ITGA9: variants seen among roughly 807,000 people sequenced by gnomAD.
The protein encoded by ITGA9 is integrin subunit alpha 9.
Under a neutral mutation model 127.8 loss-of-function variants are expected in ITGA9, and 56 were observed. That is an observed-to-expected ratio of 0.44 (90% CI 0.35 to 0.55). The LOEUF is 0.55. Ranked by LOEUF, ITGA9 falls within the 20% of genes least tolerant of loss-of-function variation. The probability of loss-of-function intolerance (pLI) is 0.00; values close to 1 mark genes in which losing one functional copy is unlikely to be tolerated. For synonymous variants in ITGA9, 508 were observed against 514.5 expected, an observed-to-expected ratio of 0.99 and a Z score of 0.17; for missense variants, 1,196 against 1,347.1, an observed-to-expected ratio of 0.89 and a Z score of 1.76.
At chr3:37,494,408 T>G in intron 4 of ITGA9, 93 bp from the exon 5 acceptor site, 1 of 884,210 alleles carries the variant, frequency 1.1e-6, no homozygotes, top group Non-Finnish European at 1.9e-6. Context: ...GCGGCACTCG[T>G]GGGAAGTGGC....
chr3:37,500,038 A>G (rs1393646987), intron 5 of ITGA9, among the ~76,000 whole-genome samples: 1 of 152,196 alleles, frequency 6.6e-6, no homozygotes, highest in African/African-American at 2.4e-5. Flanking sequence ...CACTGAGGAT[A>G]CATCTGGGGC....
intron 16 of ITGA9, among the ~76,000 whole-genome samples, chr3:37,639,298 C>A (rs989418067): frequency 2.0e-5 from 3 of 152,146 alleles, no homozygotes; most frequent in Non-Finnish European, 2.9e-5. Context: ...AAAAATAAAT[C>A]ATTGCTGCCT....
At chr3:37,513,702 G>C in intron 8 of ITGA9, 61 bp from the exon 9 acceptor site, 1 of 1,607,076 alleles carries the variant, frequency 6.2e-7, no homozygotes, top group Non-Finnish European at 8.5e-7. Context: ...GGAGGAAAGC[G>C]AGGGCATCCT....
rs1697212373 is a variant in ITGA9 at position 37,799,593 on chromosome 3, G to T, written c.2890-4230G>T. Among the ~76,000 whole-genome samples the T allele has an allele frequency of 6.6e-6, 1 of 152,152 alleles. No homozygotes were observed. Among genetic ancestry groups the T allele is most frequent in the African/African-American group, 2.4e-5 (1 of 41,428 alleles). On this transcript the variant is annotated intron_variant, in intron 26 of 27. Coordinates refer to ENST00000264741, the MANE Select transcript of ITGA9 (RefSeq NM_002207.3). The surrounding 1 kb of genome is among the most constrained non-coding windows in gnomAD (Gnocchi z 4.0). ...GGCAGGAAGGAGACCAGAGTATGAAGGCCCTGGTGTCCTGAATTAGATGCT... is the reference window on the plus strand; with the variant it reads ...GGCAGGAAGGAGACCAGAGTATGAATGCCCTGGTGTCCTGAATTAGATGCT...
intron 17 of ITGA9, among the ~76,000 whole-genome samples, chr3:37,655,733 A>G (rs571947257): frequency 3.3e-5 from 5 of 152,222 alleles, no homozygotes; most frequent in South Asian, 2.1e-4. Flanking sequence ...TTTTGTTGCC[A>G]TTGCTTTTGG....
chr3:37,502,360 A>G (rs1214177734), intron 5 of ITGA9, among the ~76,000 whole-genome samples: 1 of 151,764 alleles, frequency 6.6e-6, no homozygotes. Context: ...GATTACAGGC[A>G]TGTGCCACTA....
At chr3:37,817,725 G>A (rs1419788712) in intron 27 of ITGA9, among the ~76,000 whole-genome samples, 1 of 152,224 alleles carries the variant, frequency 6.6e-6, no homozygotes, top group Non-Finnish European at 1.5e-5. Context: ...GGAAAGGTAA[G>A]CTTTGGGCTA....
At chr3:37,701,189 C>T (rs1455454967) in intron 18 of ITGA9, among the ~76,000 whole-genome samples, 1 of 152,210 alleles carries the variant, frequency 6.6e-6, no homozygotes, top group Admixed American at 6.5e-5. Flanking sequence ...CCCAAGTTTG[C>T]AGGCCCTTGA....
chr3:37,682,443 G>A lies in ITGA9; in HGVS notation c.1917-1422G>A, dbSNP rs12635404. On this transcript the variant is annotated intron_variant, in intron 17 of 27. Coordinates refer to ENST00000264741, the MANE Select transcript of ITGA9 (RefSeq NM_002207.3). The stretch of plus-strand genomic sequence containing the variant: ...TGACCATGTGGATGACTCCTCTCTC[G>A]ATTTTCCTCTTCCTTCTCTAGCCAT... Among the ~76,000 whole-genome samples the A allele has an allele frequency of 5.8e-4, 88 of 152,272 alleles. No homozygotes were observed. In the East Asian group the frequency reaches 0.014, roughly 25 times the overall value.
In ITGA9 at chr3:37,818,917, A is replaced by G; in HGVS notation, c.3036A>G (p.Lys1012=). 1 of 1,614,152 alleles carries G rather than the reference A, an allele frequency of 6.2e-7. No individual in the cohort carries two copies. Among genetic ancestry groups the G allele is most frequent in the Non-Finnish European group, 8.5e-7 (1 of 1,179,974 alleles). ...WKMGFFRRRY[K]EIIEAEKNRK... is the part of the protein sequence containing the mutation. ...TGGGCTTCTTTCGCCGAAGGTACAA[A>G]GAAATTATCGAAGCTGAGAAGAACC... Residue 1012 remains lysine (K), a synonymous_variant, in exon 28 of 28, where the codon AAA becomes AAG. Transcript: ENST00000264741.
intron 17 of ITGA9, among the ~76,000 whole-genome samples, chr3:37,670,475 A>C (rs546312144): frequency 6.6e-6 from 1 of 152,304 alleles, no homozygotes; most frequent in South Asian, 2.1e-4. Flanking sequence ...AAATGATTGC[A>C]TTTTGTTTTC....
At position 37,580,752 on chromosome 3, in the gene ITGA9, G is replaced by A. The variant is rs143404939; in HGVS notation, c.1689+38167G>A. 9.1e-4 allele frequency among the ~76,000 whole-genome samples: 139 copies of A among 152,150 alleles called. No individual in the cohort carries two copies. The East Asian group carries it at 9.6e-3, about 11-fold the overall frequency. On this transcript the variant is annotated intron_variant, in intron 15 of 27. Coordinates refer to ENST00000264741, the MANE Select transcript of ITGA9 (RefSeq NM_002207.3). ...ACTCAGGTCTGACCTTTGGAAATACGTACAGTAATAAGGAATCCTAGGGGC... is the reference window on the plus strand; with the variant it reads ...ACTCAGGTCTGACCTTTGGAAATACATACAGTAATAAGGAATCCTAGGGGC...
intron 23 of ITGA9, among the ~76,000 whole-genome samples, chr3:37,765,877 C>G (rs1696774561): frequency 1.3e-5 from 2 of 152,258 alleles, no homozygotes. Flanking sequence ...ATGTCTTGTG[C>G]TCACAGCTGC....
intron 22 of ITGA9, among the ~76,000 whole-genome samples, chr3:37,746,646 G>A (rs750539256): frequency 1.3e-5 from 2 of 151,668 alleles, no homozygotes; most frequent in Non-Finnish European, 1.5e-5. Context: ...AGACATGCCA[G>A]GATGTTTCTT....
At chr3:37,673,426 G>A (rs1700655713) in intron 17 of ITGA9, among the ~76,000 whole-genome samples, 2 of 152,130 alleles carry the variant, frequency 1.3e-5, no homozygotes, top group South Asian at 4.1e-4. Flanking sequence ...GTGTGAGATT[G>A]GAGAAAGGGA....
chr3:37,639,576 G>GA (rs1700313091), intron 16 of ITGA9, among the ~76,000 whole-genome samples: 1 of 152,138 alleles, frequency 6.6e-6, no homozygotes, highest in Non-Finnish European at 1.5e-5. Context: ...CATGCAGTCT[G>GA]AAGCCACTTG....
At chr3:37,789,206 G>T (rs1345610325) in intron 26 of ITGA9, among the ~76,000 whole-genome samples, 1 of 152,132 alleles carries the variant, frequency 6.6e-6, no homozygotes, top group Non-Finnish European at 1.5e-5. Context: ...CACATATGAA[G>T]AATGAACTAA....
chr3:37,542,562 C>A lies in ITGA9; in HGVS notation c.1666C>A (p.Arg556Ser). 3.7e-6 allele frequency: 6 copies of A among 1,614,138 alleles called. No individual in the cohort carries two copies. Among genetic ancestry groups the A allele is most frequent in the South Asian group, 2.2e-5 (2 of 91,058 alleles). The change falls in exon 15 of 28, where the codon CGT becomes AGT. Residue 556 changes from arginine to serine, a missense_variant. By Grantham distance (110) the Arg-to-Ser change is moderately radical (BLOSUM62 -1). Transcript: ENST00000264741. ...GCTGACTTACATGGAGGAGACGTGTCGTCACTATGTGGCCCATGTGAAGGT... is the reference window on the plus strand; with the variant it reads ...GCTGACTTACATGGAGGAGACGTGTAGTCACTATGTGGCCCATGTGAAGGT... ...LQLTYMEETC[R>S]HYVAHVKRRV...
intron 3 of ITGA9, among the ~76,000 whole-genome samples, chr3:37,476,006 T>C (rs546172133): frequency 2.0e-5 from 3 of 152,348 alleles, no homozygotes; most frequent in Admixed American, 6.5e-5. Context: ...GTTCATCATG[T>C]TGTAGCATGT....
Sources: gnomAD v4.1 joint callset for allele counts (sites outside exome capture counted in the v4.1 genomes callset) on GRCh38, gnomAD v4.1.1 for gene constraint, Gnocchi (gnomAD v3.1) non-coding constraint, MANE v1.5 for transcripts, NCBI Gene and HGNC (gene_info 2026-07-23, HGNC 2026-07-21) for gene names.